DCDC2: variants seen among roughly 807,000 people sequenced by gnomAD.
DCDC2 encodes doublecortin domain-containing protein 2.
In DCDC2, 40 loss-of-function variants were observed where a neutral mutation model predicts 50.2. That is an observed-to-expected ratio of 0.80 (90% confidence interval 0.62 to 1.04). The LOEUF (loss-of-function observed/expected upper bound fraction) is 1.04, where lower values mean the gene tolerates loss of function less well. Ranked by LOEUF, DCDC2 falls within the 50% of genes least tolerant of loss-of-function variation. The pLI is 0.00. For missense variants in DCDC2, 570 were observed against 581.9 expected, an observed-to-expected ratio of 0.98 and a Z score of 0.21; for synonymous variants, 234 against 210.6, an observed-to-expected ratio of 1.11 and a Z score of -0.96.
At chr6:24,377,930 A>G in the DCDC2 span, among the ~76,000 whole-genome samples, 1 of 152,196 alleles carries the variant, frequency 6.6e-6, no homozygotes, top group East Asian at 1.9e-4. Flanking sequence ...CGGAGGTTGC[A>G]GTGAGCCGAG....
At chr6:24,283,390 T>TA (rs1763520312) in intron 6 of DCDC2, among the ~76,000 whole-genome samples, 2 of 152,172 alleles carry the variant, frequency 1.3e-5, no homozygotes, top group South Asian at 4.1e-4. Flanking sequence ...CCAACTCAGT[T>TA]ACGCACCAGC....
intron 2 of DCDC2, among the ~76,000 whole-genome samples, chr6:24,324,318 T>C (rs1759822733): frequency 6.6e-6 from 1 of 152,188 alleles, no homozygotes; most frequent in African/African-American, 2.4e-5. Flanking sequence ...AGCTAATCTC[T>C]ATCCTACTAG....
In DCDC2 at chr6:24,192,494, AC is replaced by A. The variant is rs548398576; in HGVS notation, c.1023+12507del. Among the ~76,000 whole-genome samples the A allele has an allele frequency of 8.9e-4, 136 of 152,292 alleles. No homozygotes were observed. In the South Asian group the frequency reaches 0.027, roughly 30 times the overall value. The stretch of plus-strand genomic sequence containing the variant: ...AGATCAAAACATAGAGACAAAGAAA[AC>A]AAAAAAGAACCTCAGAAGAAAAAAA... On this transcript the variant is annotated intron_variant, in intron 8 of 9. Coordinates refer to ENST00000378454, the MANE Select transcript of DCDC2 (RefSeq NM_016356.5).
chr6:24,261,599 G>A (rs986941693), intron 7 of DCDC2, among the ~76,000 whole-genome samples: 1 of 151,958 alleles, frequency 6.6e-6, no homozygotes, highest in Non-Finnish European at 1.5e-5. Flanking sequence ...GCTCTGAGAG[G>A]GTCCCAGCAG....
chr6:24,286,110 G>A (rs1763604258), intron 6 of DCDC2, among the ~76,000 whole-genome samples: 1 of 152,146 alleles, frequency 6.6e-6, no homozygotes, highest in South Asian at 2.1e-4. Context: ...CCGCACCTGT[G>A]AAGTTAGGTT....
At chr6:24,188,790 T>G (rs965961356) in intron 8 of DCDC2, among the ~76,000 whole-genome samples, 2 of 152,140 alleles carry the variant, frequency 1.3e-5, no homozygotes, top group Non-Finnish European at 2.9e-5. Context: ...GTATTCATTA[T>G]ACTCTATCTT....
the DCDC2 span, among the ~76,000 whole-genome samples, chr6:24,374,577 CAAAAAAAAAAA>C: frequency 3.0e-4 from 17 of 57,470 alleles, 1 homozygote; most frequent in East Asian, 2.4e-3. Context: ...AGACTCCATC[CAAAAAAAAAAA>C]AAAAAAAAAA....
the DCDC2 span, among the ~76,000 whole-genome samples, chr6:24,381,852 AAG>A: frequency 2.0e-5 from 3 of 146,406 alleles, no homozygotes; most frequent in Admixed American, 6.8e-5. Flanking sequence ...GGAAGGAAGG[AAG>A]GAAGGAGAAA....
chr6:24,294,208 A>G (rs1763812403), intron 4 of DCDC2, among the ~76,000 whole-genome samples: 1 of 152,020 alleles, frequency 6.6e-6, no homozygotes, highest in Non-Finnish European at 1.5e-5. Context: ...AATACAAAAA[A>G]ATTAGCTGGG....
the DCDC2 span, among the ~76,000 whole-genome samples, chr6:24,377,799 C>A: frequency 3.3e-5 from 5 of 152,112 alleles, no homozygotes; most frequent in African/African-American, 1.2e-4. Context: ...ACCAGCCTGG[C>A]CAGTATGGTG....
intron 4 of DCDC2, 77 bp from the exon 5 acceptor site, chr6:24,291,155 G>A (rs1763736286): frequency 7.0e-7 from 1 of 1,420,750 alleles, no homozygotes; most frequent in Admixed American, 2.2e-5. Flanking sequence ...AAAGTATTCT[G>A]GATGTCAAAA....
chr6:24,182,811 A>G (rs961771413), intron 8 of DCDC2, among the ~76,000 whole-genome samples: 6 of 152,166 alleles, frequency 3.9e-5, no homozygotes, highest in African/African-American at 1.4e-4. Flanking sequence ...GTAAATACCC[A>G]AAAGAACTGA....
intron 2 of DCDC2, among the ~76,000 whole-genome samples, chr6:24,351,426 G>C (rs1463931174): frequency 6.6e-6 from 1 of 152,206 alleles, no homozygotes; most frequent in Non-Finnish European, 1.5e-5. Context: ...ATGCGGGAAA[G>C]AGCATGGACA....
chr6:24,359,524 T>A (rs1189625768), upstream of DCDC2, among the ~76,000 whole-genome samples: 2 of 106,934 alleles, frequency 1.9e-5, no homozygotes, highest in African/African-American at 7.5e-5. Flanking sequence ...ATATATATTT[T>A]ATATATATTT....
At chr6:24,210,071 T>TCTGCCTGC (rs1270490925) in intron 7 of DCDC2, among the ~76,000 whole-genome samples, 10 of 140,926 alleles carry the variant, frequency 7.1e-5, no homozygotes, top group African/African-American at 2.2e-4. Context: ...TGTCTGTCTG[T>TCTGCCTGC]CTGCCTGCCT....
At chr6:24,381,863 A>AGGAAGG in the DCDC2 span, among the ~76,000 whole-genome samples, 1 of 48,734 alleles carries the variant, frequency 2.1e-5, no homozygotes, top group African/African-American at 5.6e-5. Context: ...AGGAAGGAGA[A>AGGAAGG]ATAAAAGAAA....
intron 8 of DCDC2, among the ~76,000 whole-genome samples, chr6:24,184,529 C>T (rs1160836062): frequency 2.0e-5 from 3 of 151,832 alleles, no homozygotes; most frequent in Non-Finnish European, 4.4e-5. Flanking sequence ...TGAGATTGCA[C>T]CACTGCACTC....
intron 7 of DCDC2, among the ~76,000 whole-genome samples, chr6:24,255,420 T>C (rs542383014): frequency 1.5e-4 from 22 of 149,752 alleles, no homozygotes; most frequent in African/African-American, 4.9e-4. Context: ...AGGAAAAACA[T>C]TAATCCTAAA....
intron 2 of DCDC2, among the ~76,000 whole-genome samples, chr6:24,309,132 C>A (rs1759527197): frequency 6.6e-6 from 1 of 152,074 alleles, no homozygotes; most frequent in South Asian, 2.1e-4. Context: ...CAAGACCAGC[C>A]TGGCAACATG....
Sources: allele counts gnomAD v4.1 joint callset (sites outside exome capture counted in the v4.1 genomes callset), GRCh38; gene constraint gnomAD v4.1.1; transcripts MANE v1.5; gene names NCBI Gene and HGNC (gene_info 2026-07-23, HGNC 2026-07-21).